LRP1B: variants seen among roughly 807,000 people sequenced by gnomAD.
The protein encoded by LRP1B is low-density lipoprotein receptor-related protein 1B.
LRP1B carries 217 observed loss-of-function variants against 556.6 expected under a neutral mutation model. The ratio of observed to expected loss-of-function variants is 0.39; its 90% CI spans 0.35 to 0.44. LRP1B has a LOEUF of 0.44. Among genes scored for constraint, LRP1B ranks in the 20% least tolerant of loss-of-function variants. The pLI is 1.00. For missense variants in LRP1B, 5,053 were observed against 5,620.8 expected, an observed-to-expected ratio of 0.90 and a Z score of 3.23; for synonymous variants, 2,047 against 1,865.8, an observed-to-expected ratio of 1.10 and a Z score of -2.50.
intron 20 of LRP1B, among the ~76,000 whole-genome samples, chr2:140,936,125 A>G (rs1695197330): frequency 6.6e-6 from 1 of 151,772 alleles, no homozygotes; most frequent in Non-Finnish European, 1.5e-5. Context: ...AGATCACTTG[A>G]GGTCAAGGGT....
At chr2:141,994,740 T>C (rs1443929403) in intron 1 of LRP1B, among the ~76,000 whole-genome samples, 1 of 152,150 alleles carries the variant, frequency 6.6e-6, no homozygotes, top group Admixed American at 6.6e-5. Context: ...TAATTGCCCA[T>C]ATATAAAATA....
At chr2:140,272,286 C>CACACAG (rs1459688889) in intron 85 of LRP1B, among the ~76,000 whole-genome samples, 1 of 134,198 alleles carries the variant, frequency 7.5e-6, no homozygotes, top group Non-Finnish European at 1.7e-5. Context: ...CACACACACA[C>CACACAG]ACACACAGAA....
intron 2 of LRP1B, among the ~76,000 whole-genome samples, chr2:141,786,195 T>A (rs926539131): frequency 6.6e-6 from 1 of 151,992 alleles, no homozygotes; most frequent in East Asian, 1.9e-4. Context: ...GTGGCACTTA[T>A]GATGGCAACT....
At chr2:140,429,556 C>G (rs939136903) in intron 66 of LRP1B, among the ~76,000 whole-genome samples, 3 of 152,170 alleles carry the variant, frequency 2.0e-5, no homozygotes, top group Admixed American at 6.5e-5. Context: ...TCTTCCTCAT[C>G]TGTTACCTAT....
At chr2:141,568,421 C>A (rs1346592903) in intron 2 of LRP1B, among the ~76,000 whole-genome samples, 2 of 151,032 alleles carry the variant, frequency 1.3e-5, no homozygotes, top group East Asian at 3.9e-4. Context: ...TGAAGTATTT[C>A]TTGAACATGA....
chr2:141,136,926 T>TC (rs1300419560), intron 7 of LRP1B, among the ~76,000 whole-genome samples: 2 of 151,884 alleles, frequency 1.3e-5, no homozygotes, highest in African/African-American at 4.8e-5. Flanking sequence ...TATCTGGTAT[T>TC]CAGTTCTATA....
chr2:142,062,383 C>T (rs1178538891), intron 1 of LRP1B, among the ~76,000 whole-genome samples: 2 of 151,826 alleles, frequency 1.3e-5, no homozygotes, highest in African/African-American at 2.4e-5. Context: ...CTTTGCTGAC[C>T]ACTGCCTATT....
intron 11 of LRP1B, among the ~76,000 whole-genome samples, chr2:141,041,885 T>A (rs1043961829): frequency 6.6e-6 from 1 of 152,166 alleles, no homozygotes; most frequent in Non-Finnish European, 1.5e-5. Context: ...GTCAACAAAT[T>A]TTTTTTAAAA....
At chr2:141,329,663 A>AAAAAAAAAAAC (rs1553497047) in intron 3 of LRP1B, among the ~76,000 whole-genome samples, 2 of 137,452 alleles carry the variant, frequency 1.5e-5, no homozygotes, top group South Asian at 2.3e-4. Flanking sequence ...AAAAAAAAAA[A>AAAAAAAAAAAC]AACTATCTCT....
chr2:141,236,149 T>G (rs1380246220), intron 5 of LRP1B, among the ~76,000 whole-genome samples: 2 of 152,242 alleles, frequency 1.3e-5, no homozygotes, highest in Admixed American at 1.3e-4. Context: ...ATGTTTTTGC[T>G]TTTATTTGGG....
At chr2:141,756,431 T>A (rs1694320249) in intron 2 of LRP1B, among the ~76,000 whole-genome samples, 1 of 152,048 alleles carries the variant, frequency 6.6e-6, no homozygotes, top group African/African-American at 2.4e-5. Flanking sequence ...CATCCAGGAC[T>A]TATTATTTGA....
intron 2 of LRP1B, among the ~76,000 whole-genome samples, chr2:141,651,318 T>A (rs1689781091): frequency 6.6e-6 from 1 of 152,158 alleles, no homozygotes. Flanking sequence ...AACAGAACAC[T>A]TAGTTAAATA....
intron 1 of LRP1B, among the ~76,000 whole-genome samples, chr2:142,036,244 T>G (rs919670512): frequency 2.1e-4 from 32 of 151,794 alleles, no homozygotes; most frequent in African/African-American, 7.5e-4. Flanking sequence ...AGACCTGTCA[T>G]CAGACAGAAG....
chr2:141,552,251 C>A (rs1271883039), intron 2 of LRP1B, among the ~76,000 whole-genome samples: 1 of 151,942 alleles, frequency 6.6e-6, no homozygotes, highest in Non-Finnish European at 1.5e-5. Context: ...ATATTGGTGT[C>A]ATGAGATTAT....
intron 3 of LRP1B, among the ~76,000 whole-genome samples, chr2:141,445,614 T>G (rs1220482309): frequency 2.6e-5 from 4 of 152,226 alleles, no homozygotes; most frequent in African/African-American, 9.6e-5. Flanking sequence ...GCAATTCTGG[T>G]ATGTTGTGTC....
At chr2:140,706,818 T>A (rs1364575069) in intron 37 of LRP1B, among the ~76,000 whole-genome samples, 1 of 81,716 alleles carries the variant, frequency 1.2e-5, no homozygotes, top group Admixed American at 1.7e-4. Flanking sequence ...GGTATACTTT[T>A]CAGGAAAAAC....
chr2:140,701,531 C>T (rs930776631), intron 40 of LRP1B, among the ~76,000 whole-genome samples, 190 bp downstream of exon 40: 3 of 151,938 alleles, frequency 2.0e-5, no homozygotes, highest in Non-Finnish European at 4.4e-5. Flanking sequence ...TGGGCAAATA[C>T]GCTTTTGTAT....
At chr2:142,000,247 T>A (rs749610549) in intron 1 of LRP1B, among the ~76,000 whole-genome samples, 4 of 152,178 alleles carry the variant, frequency 2.6e-5, no homozygotes, top group Admixed American at 6.6e-5. Flanking sequence ...CTGCTAGCTC[T>A]GTTGGCTCAC....
intron 7 of LRP1B, among the ~76,000 whole-genome samples, chr2:141,170,300 T>C (rs1680447600): frequency 6.6e-6 from 1 of 152,048 alleles, no homozygotes; most frequent in Non-Finnish European, 1.5e-5. Context: ...CGTTGTTTGA[T>C]TTCTCTCATT....
Sources: gnomAD v4.1 joint callset for allele counts (sites outside exome capture counted in the v4.1 genomes callset) on GRCh38, gnomAD v4.1.1 for gene constraint, MANE v1.5 for transcripts, NCBI Gene and HGNC (gene_info 2026-07-23, HGNC 2026-07-21) for gene names.